Variants in SYNE2 observed in about 807,000 individuals in gnomAD.
The protein encoded by SYNE2 is nesprin-2.
Under a neutral mutation model 856.3 loss-of-function variants are expected in SYNE2, and 431 were observed. That is an observed-to-expected ratio of 0.50 (90% confidence interval 0.47 to 0.55). SYNE2 has a LOEUF of 0.55. Ranked by LOEUF, SYNE2 falls within the 20% of genes least tolerant of loss-of-function variation. SYNE2 has a pLI of 0.00. For missense variants in SYNE2, 8,129 were observed against 8,023.2 expected, an observed-to-expected ratio of 1.01 and a Z score of -0.50; for synonymous variants, 2,923 against 2,872.3, an observed-to-expected ratio of 1.02 and a Z score of -0.56.
intron 31 of SYNE2, among the ~76,000 whole-genome samples, chr14:64,007,480 A>G (rs555779013): frequency 1.3e-5 from 2 of 152,324 alleles, no homozygotes; most frequent in East Asian, 3.9e-4. Flanking sequence ...TACCATCCCA[A>G]CTGGGGTGGT....
Position 64,143,885 on chromosome 14 carries a change from T to C in SYNE2, c.15420T>C (p.Phe5140=). The C allele has an allele frequency of 6.2e-7, 1 of 1,614,194 alleles. No homozygotes were observed. The highest frequency in any genetic ancestry group is 2.2e-5 in the East Asian group (1 of 44,884). ...VESKRYERTE[F]AEHLGEMNRQ... ...GCAAGCGCTATGAAAGAACGGAGTT[T>C]GCAGAGCACCTGGGGGAGATGAACC... is the stretch of plus-strand genomic sequence containing the variant. The change falls in exon 83 of 116, where the codon TTT becomes TTC. Residue 5140 remains phenylalanine, a synonymous_variant. Coordinates refer to ENST00000555002, the MANE Select transcript of SYNE2 (RefSeq NM_182914.3).
chr14:63,928,076 A>G (rs2095693973), intron 2 of SYNE2, among the ~76,000 whole-genome samples: 1 of 151,914 alleles, frequency 6.6e-6, no homozygotes, highest in African/African-American at 2.4e-5. Flanking sequence ...AAAAAGACTC[A>G]GCAGTAGGGC....
At chr14:64,074,718 A>G (rs1475674496) in intron 53 of SYNE2, among the ~76,000 whole-genome samples, 1 of 152,166 alleles carries the variant, frequency 6.6e-6, no homozygotes, top group Non-Finnish European at 1.5e-5. Flanking sequence ...CAACATGGGG[A>G]AACTCCGTCT....
At chr14:63,961,840 C>A (rs2096319354) in intron 9 of SYNE2, among the ~76,000 whole-genome samples, 1 of 151,788 alleles carries the variant, frequency 6.6e-6, no homozygotes, top group Non-Finnish European at 1.5e-5. Flanking sequence ...CCATCCCAGG[C>A]AACCAGCATT....
intron 25 of SYNE2, among the ~76,000 whole-genome samples, chr14:63,997,709 A>G (rs919874952): frequency 4.6e-5 from 7 of 152,224 alleles, no homozygotes; most frequent in African/African-American, 1.7e-4. Flanking sequence ...TGATCTGTAC[A>G]GATGTTTCCA....
chr14:64,056,353 A>G, intron 49 of SYNE2, 87 bp downstream of exon 49: 2 of 1,282,650 alleles, frequency 1.6e-6, no homozygotes, highest in Non-Finnish European at 1.1e-6. Context: ...TTTTAAGAAC[A>G]TAAAATATAG....
At chr14:64,164,148 C>T (rs530969623) in intron 89 of SYNE2, among the ~76,000 whole-genome samples, 47 of 150,514 alleles carry the variant, frequency 3.1e-4, no homozygotes, top group Non-Finnish European at 3.9e-4. Flanking sequence ...CTCGTTCTGT[C>T]GCCCAGGCTG....
chr14:63,766,325 C>T (rs193254562), intron 1 of SYNE2, among the ~76,000 whole-genome samples: 17 of 152,270 alleles, frequency 1.1e-4, no homozygotes, highest in Admixed American at 7.9e-4. Flanking sequence ...AGTGATCCGC[C>T]CGCCTCAGCA....
In SYNE2 at chr14:64,132,265, G is replaced by GT. The variant is rs1355754705; in HGVS notation, c.14348dup (p.Gln4784ProfsTer6). The GT allele has an allele frequency of 1.9e-6, 3 of 1,613,100 alleles. No individual in the cohort carries two copies. The highest frequency in any genetic ancestry group is 2.5e-6 in the Non-Finnish European group (3 of 1,179,992). On this transcript the variant is annotated frameshift_variant and splice_region_variant, in exon 77 of 116. Coordinates refer to ENST00000555002, the MANE Select transcript of SYNE2 (RefSeq NM_182914.3). LOFTEE classifies it high-confidence loss of function. ...TATTAAAACTTTCTCCATCTCATAG[G>GT]TTTTTTTCCAGAAGCTTGTTGCTGA...
At chr14:64,009,910 A>G (rs2096830511) in intron 31 of SYNE2, 56 bp from the exon 32 acceptor site, 1 of 1,500,072 alleles carries the variant, frequency 6.7e-7, no homozygotes, top group Non-Finnish European at 9.2e-7. Flanking sequence ...TGCAAAGAGA[A>G]AGAACGGTTT....
At chr14:63,872,827 C>G (rs2094619458) in intron 1 of SYNE2, among the ~76,000 whole-genome samples, 3 of 149,720 alleles carry the variant, frequency 2.0e-5, no homozygotes, top group Admixed American at 1.3e-4. Context: ...GTTGCACATT[C>G]TTCTGCAAGT....
chr14:63,969,532 G>A (rs1328913224), intron 11 of SYNE2, among the ~76,000 whole-genome samples: 1 of 151,664 alleles, frequency 6.6e-6, no homozygotes, highest in East Asian at 1.9e-4. Flanking sequence ...TAATAGAGAC[G>A]GAGTTTCACT....
At chr14:64,183,579 G>C (rs1174194716) in intron 96 of SYNE2, among the ~76,000 whole-genome samples, 2 of 152,182 alleles carry the variant, frequency 1.3e-5, no homozygotes, top group Non-Finnish European at 2.9e-5. Context: ...GGGAGGTGGA[G>C]GTTGTAGCGA....
intron 43 of SYNE2, among the ~76,000 whole-genome samples, chr14:64,028,751 A>G (rs1166267394): frequency 6.6e-5 from 10 of 152,180 alleles, no homozygotes; most frequent in African/African-American, 2.4e-4. Context: ...TCCATCCATC[A>G]TCTATTGTTA....
At chr14:63,857,295 T>G (rs1403160565) in intron 1 of SYNE2, among the ~76,000 whole-genome samples, 1 of 152,244 alleles carries the variant, frequency 6.6e-6, no homozygotes, top group Non-Finnish European at 1.5e-5. Context: ...CTCATCCACA[T>G]TGTATCAATA....
chr14:63,883,404 C>G, intron 1 of SYNE2, among the ~76,000 whole-genome samples: 1 of 152,098 alleles, frequency 6.6e-6, no homozygotes, highest in Admixed American at 6.6e-5. Flanking sequence ...GTTACCCAGG[C>G]TAGAGTGCAG....
At chr14:63,776,722 C>G (rs1887121137) in intron 1 of SYNE2, among the ~76,000 whole-genome samples, 1 of 151,728 alleles carries the variant, frequency 6.6e-6, no homozygotes, top group South Asian at 2.1e-4. Context: ...GCCTCAGCCT[C>G]CCAGGTAGCT....
At chr14:64,036,213 A>G (rs1057337447) in intron 45 of SYNE2, among the ~76,000 whole-genome samples, 2 of 151,018 alleles carry the variant, frequency 1.3e-5, no homozygotes, top group Non-Finnish European at 3.0e-5. Flanking sequence ...AAAAAAAAAA[A>G]TCACCTCCCC....
At chr14:64,062,052 C>G (rs1048216360) in intron 49 of SYNE2, among the ~76,000 whole-genome samples, 3 of 152,034 alleles carry the variant, frequency 2.0e-5, no homozygotes, top group African/African-American at 7.2e-5. Flanking sequence ...GGGATTTAGG[C>G]TGTGTCTGTT....
Sources: gnomAD v4.1 joint callset for allele counts (sites outside exome capture counted in the v4.1 genomes callset) on GRCh38, gnomAD v4.1.1 for gene constraint, MANE v1.5 for transcripts, NCBI Gene and HGNC (gene_info 2026-07-23, HGNC 2026-07-21) for gene names.